Variants in ZNF765 observed in about 807,000 individuals in gnomAD.
The protein encoded by ZNF765 is zinc finger protein 765.
A neutral mutation model predicts 44.7 loss-of-function variants in ZNF765; 37 were observed. The observed-to-expected ratio is 0.83, with a 90% CI of 0.64 to 1.09. The LOEUF is 1.09. ZNF765 is among the 50% of genes least tolerant of loss of function. The pLI, the probability that ZNF765 is intolerant of heterozygous loss-of-function variation, is 0.00. For synonymous variants in ZNF765, 201 were observed against 213.7 expected (o/e 0.94, Z 0.52); for missense variants, 594 against 626.1 (o/e 0.95, Z 0.55).
chr19:53,407,985 T>C lies in ZNF765; in HGVS notation c.430T>C (p.Phe144Leu). 6.2e-7 allele frequency: 1 copy of C among 1,614,200 alleles called. No homozygotes were observed. The highest frequency in any genetic ancestry group is 2.2e-5 in the East Asian group (1 of 44,876). The change falls in exon 4 of 4, where the codon TTT (phenylalanine) becomes CTT (leucine). Residue 144 changes from phenylalanine (F) to leucine (L), a missense_variant. Physicochemically the swap from Phe to Leu is conservative, Grantham distance 22. Around this residue, in one of 2 missense-constraint regions of ZNF765, gnomAD observed 567 missense variants for 572.6 expected, o/e 0.99. Transcript: ENST00000396408. ...TGTTAAATATCAGCTTGGATTCAGC[T>C]TTCATTCGCATCTGCCTGAACTGCA... ...KPVKYQLGFS[F>L]HSHLPELHIF...
downstream of ZNF765, chr19:53,412,115 C>T (rs1568784237): frequency 2.5e-5 from 7 of 282,790 alleles, no homozygotes; most frequent in Non-Finnish European, 4.8e-5. Flanking sequence ...TGAGATCCTC[C>T]AGGAAAGGCA....
chr19:53,405,177 C>T (rs915204430), intron 3 of ZNF765, among the ~76,000 whole-genome samples: 1 of 152,052 alleles, frequency 6.6e-6, no homozygotes, highest in African/African-American at 2.4e-5. Context: ...CATGTTGAAA[C>T]CCCGTCTCTA....
At chr19:53,427,212 A>G (rs958497665) in exon 4 of ZNF765, 11 of 139,294 alleles carry the variant, frequency 7.9e-5, no homozygotes, top group Non-Finnish European at 1.7e-4. Context: ...TCAGACGCAT[A>G]CTCAGAGGTA....
chr19:53,416,717 A>G (rs181610851), downstream of ZNF765, among the ~76,000 whole-genome samples: 174 of 151,564 alleles, frequency 1.1e-3, 2 homozygotes, highest in Middle Eastern at 0.014. Flanking sequence ...CATCAATATA[A>G]TTATATAGTA....
chr19:53,400,783 T>TATATATATATACACAC (rs10664389), intron 2 of ZNF765, among the ~76,000 whole-genome samples: 119 of 126,774 alleles, frequency 9.4e-4, no homozygotes, highest in African/African-American at 3.1e-3. Flanking sequence ...TATATATATA[T>TATATATATATACACAC]ACACACATAC....
At chr19:53,396,491 C>T (rs568450016) in intron 1 of ZNF765, among the ~76,000 whole-genome samples, 1 of 152,318 alleles carries the variant, frequency 6.6e-6, no homozygotes, top group South Asian at 2.1e-4. Flanking sequence ...AATGATTGGT[C>T]ACATAATCTA....
intron 3 of ZNF765, among the ~76,000 whole-genome samples, chr19:53,402,784 G>C (rs2085740221): frequency 6.6e-6 from 1 of 152,004 alleles, no homozygotes; most frequent in African/African-American, 2.4e-5. Context: ...AATTCATCCT[G>C]ATCTCCTGGG....
At chr19:53,403,500 A>G (rs2085747490) in intron 3 of ZNF765, among the ~76,000 whole-genome samples, 1 of 152,194 alleles carries the variant, frequency 6.6e-6, no homozygotes, top group African/African-American at 2.4e-5. Flanking sequence ...CCCCAAGGCT[A>G]CAGTTCAATG....
intron 2 of ZNF765, among the ~76,000 whole-genome samples, chr19:53,399,219 A>G (rs1014795165): frequency 6.8e-6 from 1 of 146,454 alleles, no homozygotes; most frequent in African/African-American, 2.5e-5. Context: ...ATATCTCCTA[A>G]TGCTATCCCT....
At position 53,407,855 on chromosome 19, in the gene ZNF765, G is replaced by A; in HGVS notation, c.300G>A (p.Gln100=). The change falls in exon 4 of 4, where the codon CAG becomes CAA. Residue 100 remains glutamine (Q), a synonymous_variant. Coordinates refer to ENST00000396408, the MANE Select transcript of ZNF765 (RefSeq NM_001040185.3). ...IDKDIHDIEF[Q]WQEDERNGHE... is the part of the protein sequence containing the mutation. ...AAGATATTCATGACATTGAGTTTCA[G>A]TGGCAAGAAGATGAAAGAAATGGCC... 1 of 1,613,674 alleles carries A rather than the reference G, an allele frequency of 6.2e-7. No individual in the cohort carries two copies. Among genetic ancestry groups the A allele is most frequent in the Non-Finnish European group, 8.5e-7 (1 of 1,179,864 alleles).
chr19:53,426,366 G>A (rs1046027757), exon 4 of ZNF765: 59 of 152,266 alleles, frequency 3.9e-4, no homozygotes, highest in African/African-American at 1.3e-3. Flanking sequence ...TGGGTAGCAG[G>A]ATCTGGGCTG....
chr19:53,409,455 G>A lies in ZNF765; in HGVS notation c.*328G>A, dbSNP rs2085812649. On this transcript the variant is annotated 3_prime_UTR_variant, in exon 4 of 4. Transcript: ENST00000396408. ...TTCACACTGGTGAGAAACCTTACAGGTGTAATGAGTGTGGCAAGACCTTCA... is the reference window on the plus strand; with the variant it reads ...TTCACACTGGTGAGAAACCTTACAGATGTAATGAGTGTGGCAAGACCTTCA... The A allele has an allele frequency of 2.3e-6, 2 of 864,928 alleles. No individual in the cohort carries two copies. Among genetic ancestry groups the A allele is most frequent in the Non-Finnish European group, 4.0e-6 (2 of 501,454 alleles). The allele number at this position is 864,928 out of a possible 1,614,324, so 53.6% of individuals were successfully genotyped here.
chr19:53,403,364 GT>G (rs1568777270), intron 3 of ZNF765, among the ~76,000 whole-genome samples: 1 of 151,058 alleles, frequency 6.6e-6, no homozygotes, highest in East Asian at 1.9e-4. Flanking sequence ...TTTATTGTAG[GT>G]TTTTTTGTTC....
chr19:53,410,454 A>G lies in ZNF765; in HGVS notation c.*1327A>G, dbSNP rs1220713290. 1.7e-5 allele frequency: 6 copies of G among 360,196 alleles called. No homozygotes were observed. The highest frequency in any genetic ancestry group is 1.5e-4 in the Admixed American group (4 of 26,404). The allele number at this position is 360,196 out of a possible 1,614,324, so 22.3% of individuals were successfully genotyped here. A position where few individuals can be genotyped will look rare whatever the true frequency, so the allele number is the denominator to read the frequency against. ...AGAGTTTGTGACAAGGCTTTCAGGC[A>G]TAATTCGCACCTGGCACAACATCCT... On this transcript the variant is annotated 3_prime_UTR_variant, in exon 4 of 4. Transcript: ENST00000396408.
chr19:53,419,659 A>G (rs1431511422), intron 3 of ZNF765, among the ~76,000 whole-genome samples: 1 of 152,194 alleles, frequency 6.6e-6, no homozygotes. Context: ...TCTTTCTACA[A>G]TGTATACAGA....
chr19:53,398,333 T>C (rs780569419), intron 2 of ZNF765, among the ~76,000 whole-genome samples: 2 of 152,178 alleles, frequency 1.3e-5, no homozygotes, highest in African/African-American at 4.8e-5. Context: ...GTTCAGGGGC[T>C]ACATCTGGAT....
chr19:53,401,840 C>T, intron 2 of ZNF765: 3 of 1,170,586 alleles, frequency 2.6e-6, no homozygotes, highest in African/African-American at 1.5e-5. Flanking sequence ...TGTGCCATTG[C>T]ACTCCAGGCT....
In ZNF765 at chr19:53,397,846, A is replaced by G. The variant is rs1412875913; in HGVS notation, c.-73-97A>G. 6.5e-6 allele frequency: 8 copies of G among 1,237,418 alleles called. No individual in the cohort carries two copies. In the Admixed American group the frequency reaches 1.7e-4, roughly 26 times the overall value. The allele number at this position is 1,237,418 out of a possible 1,614,324, so 76.7% of individuals were successfully genotyped here. ...TGTGGTCGGCAGCATAGGGGACCGT[A>G]TGTCCTCAGGATGAGGTCTCCTTTG... On this transcript the variant is annotated intron_variant, in intron 1 of 3. Transcript: ENST00000396408.
At chr19:53,415,074 C>A (rs532104518), downstream of ZNF765, among the ~76,000 whole-genome samples, 4 of 152,168 alleles carry the variant, frequency 2.6e-5, no homozygotes, top group South Asian at 8.3e-4. Flanking sequence ...GAGTTTGAGA[C>A]CAGCCTGACC....
Sources: allele counts gnomAD v4.1 joint callset (sites outside exome capture counted in the v4.1 genomes callset), GRCh38; gene constraint gnomAD v4.1.1; regional missense constraint gnomAD v4.1.1; transcripts MANE v1.5; gene names NCBI Gene and HGNC (gene_info 2026-07-23, HGNC 2026-07-21).